Variants in ARHGEF10 observed in about 807,000 individuals in gnomAD.
The protein encoded by ARHGEF10 is Rho guanine nucleotide exchange factor 10, also known as Rho guanine nucleotide exchange factor (GEF) 10.
Under a neutral mutation model 147.4 loss-of-function variants are expected in ARHGEF10, and 140 were observed. The ratio of observed to expected loss-of-function variants is 0.95; its 90% CI spans 0.83 to 1.09. ARHGEF10 has a LOEUF of 1.09. Among genes scored for constraint, ARHGEF10 ranks in the 50% least tolerant of loss-of-function variants. The pLI, the probability that ARHGEF10 is intolerant of heterozygous loss-of-function variation, is 0.00. For synonymous variants in ARHGEF10, 902 were observed against 695.8 expected, an observed-to-expected ratio of 1.30 and a Z score of -4.67; for missense variants, 2,222 against 1,752.7, an observed-to-expected ratio of 1.27 and a Z score of -4.78.
In ARHGEF10 at chr8:1,839,209, G is replaced by T. The variant is rs1165996635; in HGVS notation, c.-47-4144G>T. Reference sequence around the variant, plus strand: ...CTGTCTGATGTGGGGACTGTTTTGTGTGGGGACTGCCTGGTGTGGAAGCTG... The same window carrying T: ...CTGTCTGATGTGGGGACTGTTTTGTTTGGGGACTGCCTGGTGTGGAAGCTG... On this transcript the variant is annotated intron_variant, in intron 1 of 28. Coordinates refer to ENST00000349830, the MANE Select transcript of ARHGEF10 (RefSeq NM_014629.4). 3.2e-4 allele frequency among the ~76,000 whole-genome samples: 45 copies of T among 139,278 alleles called. 4 individuals are homozygous for T. Among genetic ancestry groups the T allele is most frequent in the African/African-American group, 1.2e-3 (43 of 34,638 alleles). The allele number at this position is 139,278 out of a possible 152,430, so 91.4% of individuals were successfully genotyped here. A position where few individuals can be genotyped will look rare whatever the true frequency, so the allele number is the denominator to read the frequency against.
intron 15 of ARHGEF10, among the ~76,000 whole-genome samples, chr8:1,902,843 A>T (rs1810579847): frequency 6.6e-6 from 1 of 152,186 alleles, no homozygotes; most frequent in African/African-American, 2.4e-5. Context: ...GTGAGTTGAC[A>T]CCATGGGTGC....
intron 11 of ARHGEF10, 62 bp from the exon 12 acceptor site, chr8:1,893,507 A>T: frequency 8.9e-7 from 1 of 1,119,262 alleles, no homozygotes; most frequent in Non-Finnish European, 1.4e-6. Context: ...GCATAGAAGT[A>T]AAATGTATCT....
chr8:1,867,206 C>T (rs111652510), intron 6 of ARHGEF10, among the ~76,000 whole-genome samples: 11,100 of 152,110 alleles, frequency 0.073, 518 homozygotes, highest in Non-Finnish European at 0.11. Flanking sequence ...AGTTCTGTAG[C>T]GTATTTTTCC....
chr8:1,883,885 A>C (rs751197730), intron 10 of ARHGEF10, among the ~76,000 whole-genome samples: 3 of 152,062 alleles, frequency 2.0e-5, no homozygotes, highest in Non-Finnish European at 4.4e-5. Flanking sequence ...CAACCCCCCA[A>C]CTGGAGCCCA....
At chr8:1,888,173 G>C (rs118144551) in intron 11 of ARHGEF10, among the ~76,000 whole-genome samples, 520 of 12,926 alleles carry the variant, frequency 0.04, 48 homozygotes, top group Middle Eastern at 0.12. Flanking sequence ...CGAGGAGACA[G>C]TGAGTGGGGT....
intron 2 of ARHGEF10, among the ~76,000 whole-genome samples, chr8:1,849,684 T>G (rs1219916489): frequency 1.3e-5 from 1 of 78,108 alleles, no homozygotes; most frequent in South Asian, 4.5e-4. Flanking sequence ...CACGTGGGCA[T>G]GGATGGCAAA....
intron 18 of ARHGEF10, among the ~76,000 whole-genome samples, chr8:1,912,906 G>T (rs1396419767): frequency 6.6e-6 from 1 of 152,212 alleles, no homozygotes; most frequent in Non-Finnish European, 1.5e-5. Context: ...GCCGTCAGTT[G>T]CTCTGGCCTG....
rs1347091923 is a variant in ARHGEF10 at position 1,884,326 on chromosome 8, G to A, written c.1076-1275G>A. Among the ~76,000 whole-genome samples the A allele has an allele frequency of 7.9e-5, 12 of 151,804 alleles. 1 individual carries two copies. The highest frequency in any genetic ancestry group is 7.9e-4 in the Admixed American group (12 of 15,246). ...CAGGAGAATGGCGTGAACCCGGGAG[G>A]CGGAGCTTGCAGTGAGCCGAGATTG... On this transcript the variant is annotated intron_variant, in intron 10 of 28. Coordinates refer to ENST00000349830, the MANE Select transcript of ARHGEF10 (RefSeq NM_014629.4).
chr8:1,893,092 C>CAAAAAAA (rs34033686), intron 11 of ARHGEF10, among the ~76,000 whole-genome samples: 3 of 76,866 alleles, frequency 3.9e-5, no homozygotes, highest in Non-Finnish European at 5.5e-5. Flanking sequence ...AAGATCTTTG[C>CAAAAAAA]AAAAAAAAAA....
intron 7 of ARHGEF10, among the ~76,000 whole-genome samples, chr8:1,874,446 C>G (rs1807471081): frequency 6.6e-6 from 1 of 152,194 alleles, no homozygotes; most frequent in Non-Finnish European, 1.5e-5. Flanking sequence ...GGCTGAAAAT[C>G]TAATTGAGGT....
intron 15 of ARHGEF10, 152 bp downstream of exon 15, chr8:1,898,677 A>T (rs533354062): frequency 1.8e-5 from 15 of 855,448 alleles, no homozygotes; most frequent in South Asian, 1.4e-4. Flanking sequence ...GGGTAGAGGC[A>T]GGTGGAGACC....
chr8:1,841,894 G>T (rs1246830779), intron 1 of ARHGEF10, among the ~76,000 whole-genome samples: 1 of 116,570 alleles, frequency 8.6e-6, no homozygotes, highest in Non-Finnish European at 1.7e-5. Flanking sequence ...GCCGCGGCGG[G>T]AACTGGGGCC....
chr8:1,893,191 C>T (rs1563246109), intron 11 of ARHGEF10, among the ~76,000 whole-genome samples: 1 of 150,654 alleles, frequency 6.6e-6, no homozygotes. Flanking sequence ...TAATAACATT[C>T]ATTGATCAAG....
chr8:1,834,722 C>T (rs1289177128), intron 1 of ARHGEF10, among the ~76,000 whole-genome samples: 2 of 152,260 alleles, frequency 1.3e-5, no homozygotes, highest in East Asian at 1.9e-4. Flanking sequence ...TCCAGAAGGA[C>T]TCCTGCCGTA....
chr8:1,939,032 C>T (rs1010329410), intron 26 of ARHGEF10, among the ~76,000 whole-genome samples: 1 of 149,410 alleles, frequency 6.7e-6, no homozygotes. Context: ...CCTGAACACT[C>T]TGGAATACCA....
chr8:1,891,997 A>G lies in ARHGEF10; in HGVS notation c.1183-1572A>G, dbSNP rs1395382318. Among the ~76,000 whole-genome samples, 3 of 148,812 alleles carry G rather than the reference A, an allele frequency of 2.0e-5. No homozygotes were observed. In the East Asian group the frequency reaches 5.8e-4, roughly 29 times the overall value. ...ACATATACATAATATAGGTACACATATCAATAATATATATAGTATAATATA... is the reference window on the plus strand; with the variant it reads ...ACATATACATAATATAGGTACACATGTCAATAATATATATAGTATAATATA... On this transcript the variant is annotated intron_variant, in intron 11 of 28. Transcript: ENST00000349830.
Position 1,860,126 on chromosome 8 carries a change from C to T in ARHGEF10, c.423C>T (p.Leu141=), listed in dbSNP as rs1353993833. ...CGYAVPSNLP[L]LLPAYSSPVI... ...ATGCGGTGCCCTCCAACCTGCCCCTCCTGCTGCCCGCCTACTCCAGCCCGG... is the reference window on the plus strand; with the variant it reads ...ATGCGGTGCCCTCCAACCTGCCCCTTCTGCTGCCCGCCTACTCCAGCCCGG... The change falls in exon 4 of 29, where the codon CTC becomes CTT. Residue 141 remains leucine, a synonymous_variant. Coordinates refer to ENST00000349830, the MANE Select transcript of ARHGEF10 (RefSeq NM_014629.4). The T allele has an allele frequency of 7.4e-6, 12 of 1,614,096 alleles. No individual in the cohort carries two copies. Among genetic ancestry groups the T allele is most frequent in the Admixed American group, 1.7e-5 (1 of 60,026 alleles).
chr8:1,898,246 G>A (rs1341863410), intron 14 of ARHGEF10, among the ~76,000 whole-genome samples, 187 bp from the exon 15 acceptor site: 3 of 152,218 alleles, frequency 2.0e-5, no homozygotes, highest in East Asian at 1.9e-4. Context: ...GCAGCAAAGC[G>A]GAAGCCCCTA....
chr8:1,856,221 C>T (rs1339104369), intron 2 of ARHGEF10, among the ~76,000 whole-genome samples: 13 of 152,358 alleles, frequency 8.5e-5, no homozygotes, highest in African/African-American at 2.9e-4. Flanking sequence ...AAAAATAACA[C>T]ATTTCTGAAT....
Sources: gnomAD v4.1 joint callset for allele counts (sites outside exome capture counted in the v4.1 genomes callset) on GRCh38, gnomAD v4.1.1 for gene constraint, MANE v1.5 for transcripts, NCBI Gene and HGNC (gene_info 2026-07-23, HGNC 2026-07-21) for gene names.